The following SLC27A4 variants were observed in gnomAD, a reference collection of about 807,000 sequenced individuals.
SLC27A4 encodes the protein long-chain fatty acid transport protein 4.
A neutral mutation model predicts 64.4 loss-of-function variants in SLC27A4; 33 were observed. The observed-to-expected ratio is 0.51, with a 90% confidence interval of 0.39 to 0.68. The LOEUF is 0.68. Among genes scored for constraint, SLC27A4 ranks in the 30% least tolerant of loss-of-function variants. SLC27A4 has a pLI of 0.00. For synonymous variants in SLC27A4, 377 were observed against 370.0 expected, an observed-to-expected ratio of 1.02 and a Z score of -0.22; for missense variants, 824 against 883.5, an observed-to-expected ratio of 0.93 and a Z score of 0.85.
At chr9:128,348,004 C>A (rs148127952) in intron 3 of SLC27A4, among the ~76,000 whole-genome samples, 1 of 151,994 alleles carries the variant, frequency 6.6e-6, no homozygotes, top group Non-Finnish European at 1.5e-5. Context: ...GCCAAGCCGA[C>A]CAGCGCTGCT....
At position 128,353,218 on chromosome 9, in the gene SLC27A4, GC is replaced by G. The variant is rs1798735068; in HGVS notation, c.1182del (p.Asn395ThrfsTer34). Reference sequence around the variant, plus strand: ...GCCACAGAGTGCAACTGTAGCCTGGGCAACTTCGACAGCCAGGTGCGGCCAG... The same window carrying G: ...GCCACAGAGTGCAACTGTAGCCTGGGAACTTCGACAGCCAGGTGCGGCCAG... ...YGATECNCSL[G>X]NFDSQVGACG... On this transcript the variant is annotated frameshift_variant, in exon 8 of 13. Transcript: ENST00000300456. LOFTEE classifies it high-confidence loss of function. The surrounding 1 kb of genome is among the most constrained non-coding windows in gnomAD (Gnocchi z 4.9). 5 of 1,613,956 alleles carry G rather than the reference GC, an allele frequency of 3.1e-6. No homozygotes were observed. The highest frequency in any genetic ancestry group is 4.2e-6 in the Non-Finnish European group (5 of 1,180,034).
intron 2 of SLC27A4, among the ~76,000 whole-genome samples, chr9:128,344,472 T>G (rs149264258): frequency 1.8e-4 from 28 of 152,056 alleles, no homozygotes; most frequent in South Asian, 1.0e-3. Flanking sequence ...TGAGCTGACA[T>G]TGCATCACTG....
intron 12 of SLC27A4, among the ~76,000 whole-genome samples, chr9:128,356,969 C>T (rs1235272439): frequency 6.6e-6 from 1 of 151,972 alleles, no homozygotes; most frequent in Non-Finnish European, 1.5e-5. Flanking sequence ...TGGTGGGCGC[C>T]TGTAGTCCCA....
At chr9:128,347,542 C>T (rs1173626572) in intron 3 of SLC27A4, among the ~76,000 whole-genome samples, 1 of 151,100 alleles carries the variant, frequency 6.6e-6, no homozygotes, top group East Asian at 2.0e-4. Flanking sequence ...GACTGGCCAA[C>T]ATGGTGAAAC....
chr9:128,340,580 G>A lies in SLC27A4; in HGVS notation c.-265G>A, dbSNP rs1430251155. ...GGCTCTGTGGCTTGCCGGCTTCGGG[G>A]AAGGTGCGGCAGGCGGTGCTGCGGC... On this transcript the variant is annotated 5_prime_UTR_variant, in exon 1 of 13. Transcript: ENST00000300456. The A allele has an allele frequency of 1.3e-5, 3 of 229,350 alleles. No homozygotes were observed. In the East Asian group the frequency reaches 2.9e-4, roughly 22 times the overall value. The allele number at this position is 229,350 out of a possible 1,614,324, so 14.2% of individuals were successfully genotyped here. A position where few individuals can be genotyped will look rare whatever the true frequency, so the allele number is the denominator to read the frequency against.
At chr9:128,357,696 C>T (rs1455696140) in intron 12 of SLC27A4, among the ~76,000 whole-genome samples, 3 of 152,194 alleles carry the variant, frequency 2.0e-5, no homozygotes, top group Non-Finnish European at 4.4e-5. Flanking sequence ...TGCTGAGGCT[C>T]ATGCCCATAC....
intron 12 of SLC27A4, among the ~76,000 whole-genome samples, chr9:128,357,860 A>G (rs1317414439): frequency 6.6e-6 from 1 of 152,170 alleles, no homozygotes; most frequent in Non-Finnish European, 1.5e-5. Context: ...CTTCTGCCAG[A>G]GAGTGGGTAC....
At chr9:128,342,463 T>A (rs1832589977) in intron 1 of SLC27A4, 1 of 1,515,554 alleles carries the variant, frequency 6.6e-7, no homozygotes, top group Non-Finnish European at 9.1e-7. Context: ...TGCAAAGAGG[T>A]TGGATCAAGT....
At position 128,345,506 on chromosome 9, in the gene SLC27A4, C is replaced by T; in HGVS notation, c.513C>T (p.Thr171=). The change falls in exon 3 of 13, where the codon ACC becomes ACT. Residue 171 remains threonine (T), a synonymous_variant. Transcript: ENST00000300456. The surrounding 1 kb of genome is among the most constrained non-coding windows in gnomAD (Gnocchi z 4.1). Reference sequence around the variant, plus strand: ...ATGCTCTGCTCCACTGCCTCACCACCTCGCGCGCACGGGCCCTTGTCTTTG... The same window carrying T: ...ATGCTCTGCTCCACTGCCTCACCACTTCGCGCGCACGGGCCCTTGTCTTTG... ...RRDALLHCLT[T]SRARALVFGS... is the part of the protein sequence containing the mutation. 1 of 1,610,502 alleles carries T rather than the reference C, an allele frequency of 6.2e-7. No individual in the cohort carries two copies. The highest frequency in any genetic ancestry group is 8.5e-7 in the Non-Finnish European group (1 of 1,178,858).
intron 1 of SLC27A4, chr9:128,342,179 A>G: frequency 7.0e-7 from 1 of 1,425,166 alleles, no homozygotes; most frequent in Non-Finnish European, 9.9e-7. Context: ...GCCACTGCGC[A>G]GACCAGACTT....
rs757141833 is a variant in SLC27A4, at chr9:128,355,060, G to A, written c.1332G>A (p.Pro444=). The change falls in exon 10 of 13, where the codon CCG becomes CCA. Residue 444 remains proline, a synonymous_variant. Coordinates refer to ENST00000300456, the MANE Select transcript of SLC27A4 (RefSeq NM_005094.4). ...CTGCCTTCCCCACCCCAGGTGAGCCGGGCCAGCTGGTGGGCCGCATCATCC... is the reference window on the plus strand; with the variant it reads ...CTGCCTTCCCCACCCCAGGTGAGCCAGGCCAGCTGGTGGGCCGCATCATCC... ...GVCIPCQPGE[P]GQLVGRIIQK... is the part of the protein sequence containing the mutation. 1.2e-5 allele frequency: 20 copies of A among 1,609,812 alleles called. No homozygotes were observed. Among genetic ancestry groups the A allele is most frequent in the East Asian group, 4.5e-5 (2 of 44,658 alleles).
intron 9 of SLC27A4, 81 bp from the exon 10 acceptor site, chr9:128,354,972 A>AAT: frequency 1.5e-6 from 2 of 1,368,668 alleles, no homozygotes; most frequent in Non-Finnish European, 2.0e-6. Context: ...AAAAAAAAAA[A>AAT]AAGACGCAGG....
chr9:128,355,045 C>T lies in SLC27A4; in HGVS notation c.1325-8C>T, dbSNP rs763783240. 1 of 1,609,776 alleles carries T rather than the reference C, an allele frequency of 6.2e-7. No homozygotes were observed. Among genetic ancestry groups the T allele is most frequent in the Non-Finnish European group, 8.5e-7 (1 of 1,178,340 alleles). ...AGGGCAGATCTGACCCTGCCTTCCC[C>T]ACCCCAGGTGAGCCGGGCCAGCTGG... On this transcript the variant is annotated splice_region_variant and splice_polypyrimidine_tract_variant and intron_variant, in intron 9 of 12. Transcript: ENST00000300456.
Position 128,353,174 on chromosome 9 carries a change from G to C in SLC27A4, c.1137G>C (p.Gln379His). ...TNFSSRFHIP[Q>H]VAEFYGATEC... ...TTTCCAGCCGCTTCCACATACCCCA[G>C]GTGGCTGAGTTCTACGGGGCCACAG... Residue 379 changes from glutamine to histidine, a missense_variant, in exon 8 of 13, where the codon CAG becomes CAC. Gln to His is a conservative substitution (Grantham distance 24). Coordinates refer to ENST00000300456, the MANE Select transcript of SLC27A4 (RefSeq NM_005094.4). This position sits in a 1 kb window ranked among gnomAD's most constrained non-coding sequence, Gnocchi z 4.9. 1 of 1,614,206 alleles carries C rather than the reference G, an allele frequency of 6.2e-7. No individual in the cohort carries two copies. Among genetic ancestry groups the C allele is most frequent in the Non-Finnish European group, 8.5e-7 (1 of 1,180,046 alleles).
In SLC27A4 at chr9:128,360,499, C is replaced by A; in HGVS notation, c.*8C>A. ...GGCGAGGAGAAGCTGTGATTCCCCC[C>A]ATCCCTCTGAGGGCCGGCGGATGCT... On this transcript the variant is annotated 3_prime_UTR_variant, in exon 13 of 13. Coordinates refer to ENST00000300456, the MANE Select transcript of SLC27A4 (RefSeq NM_005094.4). 2 of 1,613,514 alleles carry A rather than the reference C, an allele frequency of 1.2e-6. No homozygotes were observed. Among genetic ancestry groups the A allele is most frequent in the South Asian group, 1.1e-5 (1 of 91,062 alleles).
At chr9:128,359,084 G>C (rs142542420) in intron 12 of SLC27A4, among the ~76,000 whole-genome samples, 10 of 152,352 alleles carry the variant, frequency 6.6e-5, no homozygotes, top group Non-Finnish European at 1.3e-4. Flanking sequence ...GTGTGTACAG[G>C]GAGGGGAGGA....
At chr9:128,352,863 T>A (rs1241404327) in intron 7 of SLC27A4, 116 bp downstream of exon 7, 14 of 1,068,156 alleles carry the variant, frequency 1.3e-5, no homozygotes, top group Non-Finnish European at 2.0e-5. Context: ...AGGGCTCATT[T>A]GTGGCAAAGT....
intron 1 of SLC27A4, chr9:128,342,448 T>TAAG (rs1832589888): frequency 6.4e-7 from 1 of 1,566,040 alleles, no homozygotes; most frequent in Non-Finnish European, 8.7e-7. Flanking sequence ...TTTAACTTTG[T>TAAG]AAGATGCAAA....
Position 128,348,674 on chromosome 9 carries a change from T to C in SLC27A4, c.686T>C (p.Leu229Pro). The change falls in exon 4 of 13, where the codon CTT (leucine) becomes CCT (proline). Residue 229 changes from leucine (L) to proline (P), a missense_variant. Transcript: ENST00000300456. ...DPLLKDAPKH[L>P]PSCPDKGFTD... ...CTGCTGAAAGATGCTCCCAAGCACC[T>C]TCCCAGTTGCCCTGACAAGGGCTTC... 2 of 1,614,072 alleles carry C rather than the reference T, an allele frequency of 1.2e-6. No individual in the cohort carries two copies. Among genetic ancestry groups the C allele is most frequent in the South Asian group, 2.2e-5 (2 of 91,090 alleles).
Sources: allele counts gnomAD v4.1 joint callset (sites outside exome capture counted in the v4.1 genomes callset), GRCh38; gene constraint gnomAD v4.1.1; non-coding constraint Gnocchi (gnomAD v3.1); transcripts MANE v1.5; gene names NCBI Gene and HGNC (gene_info 2026-07-23, HGNC 2026-07-21).